ZYX: variants seen among roughly 807,000 people sequenced by gnomAD.
ZYX encodes zyxin-2.
In ZYX, 37 loss-of-function variants were observed where a neutral mutation model predicts 58.1. The ratio of observed to expected loss-of-function variants is 0.64; its 90% CI spans 0.49 to 0.84. The LOEUF (loss-of-function observed/expected upper bound fraction) is 0.84. Among genes scored for constraint, ZYX ranks in the 40% least tolerant of loss-of-function variants. The pLI is 0.00. For synonymous variants in ZYX, 324 were observed against 321.1 expected, an observed-to-expected ratio of 1.01 and a Z score of -0.10; for missense variants, 762 against 761.6, an observed-to-expected ratio of 1.00 and a Z score of -0.01.
Position 143,390,060 on chromosome 7 carries a change from GC to G in ZYX, c.1614+84del. On this transcript the variant is annotated intron_variant, in intron 9 of 9. Coordinates refer to ENST00000322764, the MANE Select transcript of ZYX (RefSeq NM_003461.5). This position sits in a 1 kb window ranked among gnomAD's most constrained non-coding sequence, Gnocchi z 4.3. ...CTGCTTACTAACTGGGAGGTGGAAA[GC>G]ACCAGCATTCAGGAAACAGGGCTGT... is the stretch of plus-strand genomic sequence containing the variant. 6.4e-7 allele frequency: 1 copy of G among 1,572,164 alleles called. No homozygotes were observed. Among genetic ancestry groups the G allele is most frequent in the Non-Finnish European group, 8.7e-7 (1 of 1,152,768 alleles).
chr7:143,387,540 C>A lies in ZYX; in HGVS notation c.1024-679C>A, dbSNP rs370210588. Reference sequence around the variant, plus strand: ...AGCGCTGTCCTTAACATCCACCCCCCACTCCAGTCCCCGGGATCCCCTAAA... The same window carrying A: ...AGCGCTGTCCTTAACATCCACCCCCAACTCCAGTCCCCGGGATCCCCTAAA... On this transcript the variant is annotated intron_variant, in intron 5 of 9. Coordinates refer to ENST00000322764, the MANE Select transcript of ZYX (RefSeq NM_003461.5). This position sits in a 1 kb window ranked among gnomAD's most constrained non-coding sequence, Gnocchi z 5.8. Among the ~76,000 whole-genome samples the A allele has an allele frequency of 2.2e-4, 33 of 152,314 alleles. No individual in the cohort carries two copies. The highest frequency in any genetic ancestry group is 7.2e-4 in the African/African-American group (30 of 41,572).
In ZYX at chr7:143,381,685, C is replaced by T. The variant is rs554528272; in HGVS notation, c.114C>T (p.Pro38=). ...PVVAPKPKVN[P]FRPGDSEPPP... Reference sequence around the variant, plus strand: ...TGGCCCCAAAGCCCAAAGTGAATCCCTTCCGGCCCGGGGACAGCGAGCCTC... The same window carrying T: ...TGGCCCCAAAGCCCAAAGTGAATCCTTTCCGGCCCGGGGACAGCGAGCCTC... Residue 38 remains proline, a synonymous_variant, in exon 2 of 10, where the codon CCC becomes CCT. Coordinates refer to ENST00000322764, the MANE Select transcript of ZYX (RefSeq NM_003461.5). 1.2e-6 allele frequency: 2 copies of T among 1,609,530 alleles called. No homozygotes were observed. The highest frequency in any genetic ancestry group is 1.3e-5 in the African/African-American group (1 of 74,968).
chr7:143,387,661 G>C lies in ZYX; in HGVS notation c.1024-558G>C. 1 of 469,996 alleles carries C rather than the reference G, an allele frequency of 2.1e-6. No homozygotes were observed. The highest frequency in any genetic ancestry group is 2.3e-5 in the Admixed American group (1 of 42,572). 29.1% of individuals were successfully genotyped at this position (469,996 alleles called of 1,614,324 possible). On this transcript the variant is annotated intron_variant, in intron 5 of 9. Transcript: ENST00000322764. This position sits in a 1 kb window ranked among gnomAD's most constrained non-coding sequence, Gnocchi z 5.8. ...GAGGTAGTTCAGAGGCCCCTCACTC[G>C]AGGGACAGGGTCTCTGTGTGGGGGT...
Position 143,382,404 on chromosome 7 carries a change from A to G in ZYX, c.365A>G (p.Glu122Gly). 1.9e-6 allele frequency: 3 copies of G among 1,577,052 alleles called. No individual in the cohort carries two copies. Among genetic ancestry groups the G allele is most frequent in the Non-Finnish European group, 2.6e-6 (3 of 1,163,058 alleles). ...EIFPSPPPPP[E>G]EEGGPEAPIP... Reference sequence around the variant, plus strand: ...TTCCCTTCCCCGCCGCCTCCTCCGGAGGAGGAGGGAGGGCCTGAGGCCCCC... The same window carrying G: ...TTCCCTTCCCCGCCGCCTCCTCCGGGGGAGGAGGGAGGGCCTGAGGCCCCC... Residue 122 changes from glutamate (E) to glycine (G), a missense_variant, in exon 3 of 10, where the codon GAG becomes GGG. By Grantham distance (98) the Glu-to-Gly change is moderately conservative (BLOSUM62 -2). Transcript: ENST00000322764.
In ZYX at chr7:143,389,481, G is replaced by A. The variant is rs1383321083; in HGVS notation, c.1494-376G>A. On this transcript the variant is annotated intron_variant, in intron 8 of 9. Transcript: ENST00000322764. The surrounding 1 kb of genome is among the most constrained non-coding windows in gnomAD (Gnocchi z 5.6). ...ACAGTGCCAGACAGTCAGGGCAGAG[G>A]CAACGTGCATGGGGGTGGGAGGATT... Among the ~76,000 whole-genome samples, 1 of 152,262 alleles carries A rather than the reference G, an allele frequency of 6.6e-6. No homozygotes were observed. Among genetic ancestry groups the A allele is most frequent in the South Asian group, 2.1e-4 (1 of 4,818 alleles).
Position 143,381,404 on chromosome 7 carries a change from C to A in ZYX, c.-21C>A. 2.5e-6 allele frequency: 3 copies of A among 1,220,124 alleles called. No individual in the cohort carries two copies. Among genetic ancestry groups the A allele is most frequent in the Non-Finnish European group, 3.1e-6 (3 of 978,560 alleles). The allele number at this position is 1,220,124 out of a possible 1,614,324, so 75.6% of individuals were successfully genotyped here. On this transcript the variant is annotated 5_prime_UTR_variant, in exon 1 of 10. Transcript: ENST00000322764. ...CCGAGACGCGGCGCGCACGCTCCGG[C>A]CTGCGGTGAGGCGCGGGGAGCGGCA...
intron 5 of ZYX, among the ~76,000 whole-genome samples, chr7:143,383,909 T>G (rs1563108055): frequency 6.6e-6 from 1 of 152,194 alleles, no homozygotes; most frequent in Admixed American, 6.5e-5. Context: ...TCCCAAGTCC[T>G]TAGACTGGGC....
rs1168329785 is a variant in ZYX, at chr7:143,381,917, AC to A, written c.208+140del. ...CACCCTGTCCCGAGCAGATGTTCTT[AC>A]CTCATCGTGGAGCTCGTGGCTGGGA... On this transcript the variant is annotated intron_variant, in intron 2 of 9. Transcript: ENST00000322764. 6 of 895,768 alleles carry A rather than the reference AC, an allele frequency of 6.7e-6. No individual in the cohort carries two copies. In the African/African-American group the frequency reaches 1.0e-4, roughly 15 times the overall value. 55.5% of individuals were successfully genotyped at this position (895,768 alleles called of 1,614,324 possible). A position where few individuals can be genotyped will look rare whatever the true frequency, so the allele number is the denominator to read the frequency against.
At chr7:143,382,560 A>G (rs1563106299) in intron 3 of ZYX, 33 bp from the exon 4 acceptor site, 4 of 1,610,968 alleles carry the variant, frequency 2.5e-6, no homozygotes, top group South Asian at 1.1e-5. Context: ...GGATAGAGGC[A>G]TGGAATAGGT....
At chr7:143,381,806 C>A (rs1804602778) in intron 2 of ZYX, 27 bp downstream of exon 2, 2 of 1,510,174 alleles carry the variant, frequency 1.3e-6, no homozygotes, top group Non-Finnish European at 1.8e-6. Flanking sequence ...GGGGAATGTA[C>A]CCCGGCAGGA....
In ZYX at chr7:143,388,507, A is replaced by G; in HGVS notation, c.1163A>G (p.His388Arg). 6.2e-7 allele frequency: 1 copy of G among 1,610,240 alleles called. No individual in the cohort carries two copies. The highest frequency in any genetic ancestry group is 8.5e-7 in the Non-Finnish European group (1 of 1,179,726). Residue 388 changes from histidine (H) to arginine (R), a missense_variant, in exon 7 of 10, where the codon CAT (histidine) becomes CGT (arginine). Coordinates refer to ENST00000322764, the MANE Select transcript of ZYX (RefSeq NM_003461.5). This position sits in a 1 kb window ranked among gnomAD's most constrained non-coding sequence, Gnocchi z 7.5. ...TTCCCAGAACTCTGCGGCCGATGCCATCAACCCCTGGCCCGGGCGCAGCCA... is the reference window on the plus strand; with the variant it reads ...TTCCCAGAACTCTGCGGCCGATGCCGTCAACCCCTGGCCCGGGCGCAGCCA... ...VAVNELCGRC[H>R]QPLARAQPAV...
rs1805061296 is a variant in ZYX at position 143,391,088 on chromosome 7, A to T, written c.*406A>T. 2 of 296,734 alleles carry T rather than the reference A, an allele frequency of 6.7e-6. No homozygotes were observed. The highest frequency in any genetic ancestry group is 7.3e-5 in the East Asian group (1 of 13,680). 18.4% of individuals were successfully genotyped at this position (296,734 alleles called of 1,614,324 possible). On this transcript the variant is annotated 3_prime_UTR_variant, in exon 10 of 10. Coordinates refer to ENST00000322764, the MANE Select transcript of ZYX (RefSeq NM_003461.5). ...CCAAGTTGTAGCTATAGCTACAAAT[A>T]AAAAAAAACCTTGTTTTCCAGAATT...
rs1271803770 is a variant in ZYX, at chr7:143,383,237, G to C, written c.938G>C (p.Ser313Thr). ...GGCACAGGCTCCCCTCAACCTCCCA[G>C]CTTCACCTATGCCCAGCAGAGGGAG... ...SAGTGSPQPP[S>T]FTYAQQREKP... Residue 313 changes from serine (S) to threonine (T), a missense_variant, in exon 5 of 10, where the codon AGC becomes ACC. Physicochemically the swap from Ser to Thr is moderately conservative, Grantham distance 58. Coordinates refer to ENST00000322764, the MANE Select transcript of ZYX (RefSeq NM_003461.5). The C allele has an allele frequency of 6.2e-7, 1 of 1,614,082 alleles. No individual in the cohort carries two copies. The highest frequency in any genetic ancestry group is 1.7e-5 in the Admixed American group (1 of 60,026).
chr7:143,383,275 C>A lies in ZYX; in HGVS notation c.976C>A (p.Gln326Lys). The A allele has an allele frequency of 6.2e-7, 1 of 1,613,254 alleles. No homozygotes were observed. Among genetic ancestry groups the A allele is most frequent in the South Asian group, 1.1e-5 (1 of 91,046 alleles). ...YAQQREKPRV[Q>K]EKQHPVPPPA... is the part of the protein sequence containing the mutation. ...CCAGCAGAGGGAGAAGCCCCGAGTG[C>A]AGGAGAAGCAGCACCCCGTGCCCCC... The change falls in exon 5 of 10, where the codon CAG becomes AAG. Residue 326 changes from glutamine to lysine, a missense_variant. Gln to Lys is a moderately conservative substitution (Grantham distance 53). Coordinates refer to ENST00000322764, the MANE Select transcript of ZYX (RefSeq NM_003461.5).
In ZYX at chr7:143,390,949, C is replaced by T; in HGVS notation, c.*267C>T. 1 of 488,754 alleles carries T rather than the reference C, an allele frequency of 2.0e-6. No homozygotes were observed. The highest frequency in any genetic ancestry group is 3.7e-6 in the Non-Finnish European group (1 of 268,644). 30.3% of individuals were successfully genotyped at this position (488,754 alleles called of 1,614,324 possible). A position where few individuals can be genotyped will look rare whatever the true frequency, so the allele number is the denominator to read the frequency against. On this transcript the variant is annotated 3_prime_UTR_variant, in exon 10 of 10. Coordinates refer to ENST00000322764, the MANE Select transcript of ZYX (RefSeq NM_003461.5). The surrounding 1 kb of genome is among the most constrained non-coding windows in gnomAD (Gnocchi z 4.3). Reference sequence around the variant, plus strand: ...CCTGAGGGGGGCACCAGGTTTAGTGCTGCTGCTTTCACTGCTGCACCCGCG... The same window carrying T: ...CCTGAGGGGGGCACCAGGTTTAGTGTTGCTGCTTTCACTGCTGCACCCGCG...
chr7:143,381,789 G>A lies in ZYX; in HGVS notation c.208+10G>A. Reference sequence around the variant, plus strand: ...CCGCCGCCCCCGGAAGGTATGCGGCGGGGCTTGGGGAATGTACCCCGGCAG... The same window carrying A: ...CCGCCGCCCCCGGAAGGTATGCGGCAGGGCTTGGGGAATGTACCCCGGCAG... On this transcript the variant is annotated intron_variant, in intron 2 of 9. Transcript: ENST00000322764. 1 of 1,543,442 alleles carries A rather than the reference G, an allele frequency of 6.5e-7. No individual in the cohort carries two copies. Among genetic ancestry groups the A allele is most frequent in the Non-Finnish European group, 8.7e-7 (1 of 1,145,254 alleles).
Position 143,382,586 on chromosome 7 carries a change from C to T in ZYX, c.409-7C>T, listed in dbSNP as rs376045483. 5.6e-6 allele frequency: 9 copies of T among 1,613,806 alleles called. No homozygotes were observed. The African/African-American group carries it at 9.3e-5, about 17-fold the overall frequency. ...TGGAATAGGTGCTCTGACCTCTGAC[C>T]CTCTAGCCCAGGGAGAAGGTGAGCA... On this transcript the variant is annotated splice_region_variant and splice_polypyrimidine_tract_variant and intron_variant, in intron 3 of 9. Transcript: ENST00000322764.
Position 143,390,271 on chromosome 7 carries a change from G to A in ZYX, c.1614+294G>A, listed in dbSNP as rs777664882. ...ACCGTGGTAGGGGATGGGGAAACAG[G>A]AGCTGAGAGAAGAGGTCTTCGAATG... On this transcript the variant is annotated intron_variant, in intron 9 of 9. Transcript: ENST00000322764. The surrounding 1 kb of genome is among the most constrained non-coding windows in gnomAD (Gnocchi z 4.3). The A allele has an allele frequency of 1.1e-5, 6 of 544,412 alleles. No homozygotes were observed. The highest frequency in any genetic ancestry group is 2.0e-5 in the Non-Finnish European group (6 of 302,736). The allele number at this position is 544,412 out of a possible 1,614,324, so 33.7% of individuals were successfully genotyped here.
At position 143,382,235 on chromosome 7, in the gene ZYX, CT is replaced by C. The variant is rs779255381; in HGVS notation, c.209-11del. ...AGGGACCCCGGCCGACGTCTTTCTC[CT>C]TCCTACCCCAGACTTTCCCCTGCCT... On this transcript the variant is annotated splice_polypyrimidine_tract_variant and intron_variant, in intron 2 of 9. Coordinates refer to ENST00000322764, the MANE Select transcript of ZYX (RefSeq NM_003461.5). 6.2e-7 allele frequency: 1 copy of C among 1,610,848 alleles called. No homozygotes were observed. Among genetic ancestry groups the C allele is most frequent in the South Asian group, 1.1e-5 (1 of 90,838 alleles).
Sources: allele counts gnomAD v4.1 joint callset (sites outside exome capture counted in the v4.1 genomes callset), GRCh38; gene constraint gnomAD v4.1.1; non-coding constraint Gnocchi (gnomAD v3.1); transcripts MANE v1.5; gene names NCBI Gene and HGNC (gene_info 2026-07-23, HGNC 2026-07-21).